EFCAB11: variants seen among roughly 807,000 people sequenced by gnomAD.
The protein encoded by EFCAB11 is EF-hand calcium binding domain 11.
EFCAB11 carries 14 observed loss-of-function variants against 23.0 expected under a neutral mutation model. The observed-to-expected ratio is 0.61, with a 90% CI of 0.40 to 0.95. The LOEUF is 0.95. Among genes scored for constraint, EFCAB11 ranks in the 40% least tolerant of loss-of-function variants. The pLI is 0.00. For synonymous variants in EFCAB11, 65 were observed against 66.6 expected, an observed-to-expected ratio of 0.98 and a Z score of 0.11; for missense variants, 198 against 195.8, an observed-to-expected ratio of 1.01 and a Z score of -0.07.
intron 5 of EFCAB11, among the ~76,000 whole-genome samples, chr14:89,930,020 T>G (rs540817123): frequency 6.6e-6 from 1 of 152,340 alleles, no homozygotes; most frequent in African/African-American, 2.4e-5. Context: ...AAACAACTTT[T>G]GTATGGTAGA....
chr14:89,910,107 C>G (rs911140611), intron 5 of EFCAB11, among the ~76,000 whole-genome samples: 1 of 152,132 alleles, frequency 6.6e-6, no homozygotes, highest in South Asian at 2.1e-4. Flanking sequence ...TCATACAATC[C>G]CAGTATCTGC....
intron 3 of EFCAB11, among the ~76,000 whole-genome samples, chr14:89,944,296 G>GT (rs1373127208): frequency 6.6e-6 from 1 of 152,146 alleles, no homozygotes; most frequent in Non-Finnish European, 1.5e-5. Flanking sequence ...ATCAAATCTC[G>GT]TGAGACTTAT....
chr14:89,924,358 G>C, intron 5 of EFCAB11: 1 of 1,137,808 alleles, frequency 8.8e-7, no homozygotes. Flanking sequence ...TCATCATGTG[G>C]CAATCTGCCT....
At chr14:89,946,424 C>G (rs1319779268) in intron 3 of EFCAB11, among the ~76,000 whole-genome samples, 6 of 152,232 alleles carry the variant, frequency 3.9e-5, no homozygotes, top group Admixed American at 3.9e-4. Context: ...ACTCTTTTAT[C>G]TAATTTAACA....
At chr14:89,876,196 G>C (rs1301589392) in intron 5 of EFCAB11, among the ~76,000 whole-genome samples, 3 of 152,200 alleles carry the variant, frequency 2.0e-5, no homozygotes, top group Non-Finnish European at 4.4e-5. Context: ...GTTAGAGCTA[G>C]AGAGAAGGCA....
chr14:89,877,877 C>T lies in EFCAB11; in HGVS notation c.410+53664G>A, dbSNP rs146110390. Reference sequence around the variant, plus strand: ...GCACACTTTAATTTACCACTCTCAACCTCAAAACACTGAGCAGTAAGAACT... The same window carrying T: ...GCACACTTTAATTTACCACTCTCAATCTCAAAACACTGAGCAGTAAGAACT... On this transcript the variant is annotated intron_variant, in intron 5 of 5. Transcript: ENST00000316738. Among the ~76,000 whole-genome samples, 3 of 152,272 alleles carry T rather than the reference C, an allele frequency of 2.0e-5. No individual in the cohort carries two copies. The East Asian group carries it at 5.8e-4, about 29-fold the overall frequency.
chr14:89,928,329 T>C (rs1476053209), intron 5 of EFCAB11, among the ~76,000 whole-genome samples: 1 of 152,166 alleles, frequency 6.6e-6, no homozygotes, highest in Non-Finnish European at 1.5e-5. Context: ...AATAACTTTC[T>C]GATGTCTCTA....
chr14:89,869,722 GA>G lies in EFCAB11; in HGVS notation c.410+61818del, dbSNP rs1394388019. On this transcript the variant is annotated intron_variant, in intron 5 of 5. Coordinates refer to ENST00000316738, the MANE Select transcript of EFCAB11 (RefSeq NM_145231.4). ...TGAAGAGTAAATAAAGCAAAGCACA[GA>G]AAGCATTTGGTCTACAGTAGGTGGT... is the stretch of plus-strand genomic sequence containing the variant. Among the ~76,000 whole-genome samples the G allele has an allele frequency of 3.3e-5, 5 of 152,310 alleles. No individual in the cohort carries two copies. The East Asian group carries it at 7.7e-4, about 23-fold the overall frequency.
At chr14:89,876,909 T>C (rs1045567697) in intron 5 of EFCAB11, among the ~76,000 whole-genome samples, 1 of 151,070 alleles carries the variant, frequency 6.6e-6, no homozygotes, top group African/African-American at 2.5e-5. Flanking sequence ...TACATCCTGC[T>C]TACAAGGCAA....
intron 5 of EFCAB11, among the ~76,000 whole-genome samples, chr14:89,827,870 T>C (rs1008570993): frequency 6.6e-6 from 1 of 152,060 alleles, no homozygotes; most frequent in Non-Finnish European, 1.5e-5. Flanking sequence ...CGACCTCAGG[T>C]GATCCGCCTG....
intron 3 of EFCAB11, among the ~76,000 whole-genome samples, chr14:89,933,191 G>A (rs1461025421): frequency 6.6e-6 from 1 of 152,206 alleles, no homozygotes. Context: ...AACGTGTGGA[G>A]CAGCCTCAGG....
intron 5 of EFCAB11, 135 bp from the exon 6 acceptor site, chr14:89,797,459 T>C (rs1885613405): frequency 1.3e-5 from 8 of 637,918 alleles, no homozygotes; most frequent in Non-Finnish European, 2.1e-5. Flanking sequence ...AGGCTGAGAT[T>C]GATGCCTGTT....
intron 5 of EFCAB11, among the ~76,000 whole-genome samples, chr14:89,835,307 A>AT (rs1377832347): frequency 1.3e-5 from 2 of 152,080 alleles, no homozygotes; most frequent in Non-Finnish European, 2.9e-5. Flanking sequence ...CAGATTTCTG[A>AT]TTTTTTTCAG....
chr14:89,901,408 G>A (rs1193023264), intron 5 of EFCAB11, among the ~76,000 whole-genome samples: 1 of 152,152 alleles, frequency 6.6e-6, no homozygotes, highest in Admixed American at 6.5e-5. Flanking sequence ...CATAATCTAG[G>A]AAAGTTACTC....
chr14:89,939,434 C>CGTGGACAGCACAGAAGAGG (rs1566820872), intron 3 of EFCAB11, among the ~76,000 whole-genome samples: 1 of 152,162 alleles, frequency 6.6e-6, no homozygotes, highest in East Asian at 1.9e-4. Flanking sequence ...CAGGCACTGA[C>CGTGGACAGCACAGAAGAGG]GTGGACAGCA....
intron 5 of EFCAB11, among the ~76,000 whole-genome samples, chr14:89,896,709 G>A (rs1889177673): frequency 6.6e-6 from 1 of 152,090 alleles, no homozygotes; most frequent in South Asian, 2.1e-4. Flanking sequence ...TATTTTTTTA[G>A]AGACAGGATC....
upstream of EFCAB11, chr14:89,954,763 C>G: frequency 6.7e-7 from 1 of 1,494,730 alleles, no homozygotes; most frequent in Non-Finnish European, 9.0e-7. Flanking sequence ...CTCAGGAAGC[C>G]GAACTTCACC....
rs143182227 is a variant in EFCAB11, at chr14:89,949,445, A to G, written c.217+652T>C. On this transcript the variant is annotated intron_variant, in intron 3 of 5. Coordinates refer to ENST00000316738, the MANE Select transcript of EFCAB11 (RefSeq NM_145231.4). ...AATGGCTCAATCTCAGCTCATTGCA[A>G]TCTCTACCTCCTCAGTTCAAGCAAT... is the stretch of plus-strand genomic sequence containing the variant. 7.1e-3 allele frequency among the ~76,000 whole-genome samples: 1,086 copies of G among 152,192 alleles called. 14 individuals are homozygous for G. Among genetic ancestry groups the G allele is most frequent in the Non-Finnish European group, 0.012 (809 of 68,000 alleles).
intron 5 of EFCAB11, chr14:89,931,281 C>T: frequency 2.4e-6 from 1 of 418,974 alleles, no homozygotes; most frequent in Non-Finnish European, 4.2e-6. Flanking sequence ...TCCTGTTCCT[C>T]TCCTGCCCCT....
Sources: allele counts gnomAD v4.1 joint callset (sites outside exome capture counted in the v4.1 genomes callset), GRCh38; gene constraint gnomAD v4.1.1; transcripts MANE v1.5; gene names NCBI Gene and HGNC (gene_info 2026-07-23, HGNC 2026-07-21).